The following PCDHGA6 variants were observed in gnomAD, a reference collection of about 807,000 sequenced individuals.
The protein encoded by PCDHGA6 is protocadherin gamma-A6.
In PCDHGA6, 41 loss-of-function variants were observed where a neutral mutation model predicts 60.6. The observed-to-expected ratio is 0.68, with a 90% confidence interval of 0.53 to 0.88. The LOEUF is 0.88. PCDHGA6 is among the 40% of genes least tolerant of loss of function. The pLI is 0.00. For synonymous variants in PCDHGA6, 594 were observed against 524.4 expected (o/e 1.13, Z -1.81); for missense variants, 1,312 against 1,203.0 (o/e 1.09, Z -1.34).
chr5:141,511,730 T>C lies in PCDHGA6; in HGVS notation c.*557T>C, dbSNP rs772107999. 5.1e-5 allele frequency: 9 copies of C among 177,790 alleles called. No homozygotes were observed. The highest frequency in any genetic ancestry group is 5.3e-5 in the Admixed American group (1 of 18,706). The allele number at this position is 177,790 out of a possible 1,614,324, so 11.0% of individuals were successfully genotyped here. On this transcript the variant is annotated 3_prime_UTR_variant, in exon 4 of 4. Transcript: ENST00000517434. ...ACCTCCTTCCAGAGCCCAAGATCAA[T>C]GCTCAAGTTTTGGAGGACATGATCA...
chr5:141,501,500 C>G (rs1385290676), intron 2 of PCDHGA6, among the ~76,000 whole-genome samples: 1 of 151,934 alleles, frequency 6.6e-6, no homozygotes, highest in Non-Finnish European at 1.5e-5. Context: ...GCTGCTGGGG[C>G]TCCAAGGCCT....
intron 1 of PCDHGA6, chr5:141,409,468 C>A: frequency 2.5e-6 from 4 of 1,613,948 alleles, no homozygotes; most frequent in Non-Finnish European, 3.4e-6. Context: ...ATGTCACCAT[C>A]GTAGCCACTG....
intron 1 of PCDHGA6, chr5:141,410,442 C>G (rs1444532577): frequency 6.2e-7 from 1 of 1,613,942 alleles, no homozygotes; most frequent in Admixed American, 1.7e-5. Context: ...AGTGAGGGGA[C>G]TTTGCCTTAT....
chr5:141,469,573 CTAAA>C (rs1209972534), intron 1 of PCDHGA6, among the ~76,000 whole-genome samples: 2 of 151,554 alleles, frequency 1.3e-5, no homozygotes, highest in Non-Finnish European at 2.9e-5. Flanking sequence ...GACTCTGTCT[CTAAA>C]TAAATAAATA....
At chr5:141,492,587 C>G (rs2154587748) in intron 1 of PCDHGA6, among the ~76,000 whole-genome samples, 1 of 152,314 alleles carries the variant, frequency 6.6e-6, no homozygotes, top group African/African-American at 2.4e-5. Flanking sequence ...GGGCCAGGAG[C>G]GCTGGAGCGA....
chr5:141,412,093 GCA>G (rs1252719565), intron 1 of PCDHGA6: 2 of 152,146 alleles, frequency 1.3e-5, no homozygotes, highest in Non-Finnish European at 2.9e-5. Flanking sequence ...GGGTTGATGG[GCA>G]CACACAGTTG....
chr5:141,427,046 C>G (rs916723344), intron 1 of PCDHGA6: 2 of 457,362 alleles, frequency 4.4e-6, no homozygotes, highest in Admixed American at 4.7e-5. Context: ...AGAATGTGCC[C>G]CCAGGCACCT....
Position 141,433,359 on chromosome 5 carries a change from CTAT to C in PCDHGA6, c.2424+56853_2424+56855del, listed in dbSNP as rs2097588942. 4 of 228,708 alleles carry C rather than the reference CTAT, an allele frequency of 1.7e-5. No homozygotes were observed. In the African/African-American group the frequency reaches 3.4e-4, roughly 19 times the overall value. The allele number at this position is 228,708 out of a possible 1,614,324, so 14.2% of individuals were successfully genotyped here. ...CAGGTGCAAGCCACCTACTGTCTGC[CTAT>C]CTATCTATCTATCTATCTATCTATC... On this transcript the variant is annotated intron_variant, in intron 1 of 3. Coordinates refer to ENST00000517434, the MANE Select transcript of PCDHGA6 (RefSeq NM_018919.3).
intron 1 of PCDHGA6, among the ~76,000 whole-genome samples, chr5:141,467,332 C>T (rs985838492): frequency 6.6e-6 from 1 of 152,124 alleles, no homozygotes; most frequent in Non-Finnish European, 1.5e-5. Context: ...GGATTAGAGA[C>T]GTAAGCCACT....
At chr5:141,405,027 A>G (rs1402992376) in intron 1 of PCDHGA6, 1 of 1,613,252 alleles carries the variant, frequency 6.2e-7, no homozygotes, top group Non-Finnish European at 8.5e-7. Context: ...CTTACCCTCT[A>G]CCTCGTTGTG....
intron 1 of PCDHGA6, among the ~76,000 whole-genome samples, chr5:141,483,164 T>C (rs1051456583): frequency 1.1e-4 from 17 of 152,148 alleles, no homozygotes; most frequent in Non-Finnish European, 2.5e-4. Context: ...AGATCCTGAG[T>C]TACCTTTGGG....
intron 1 of PCDHGA6, among the ~76,000 whole-genome samples, chr5:141,449,616 G>A (rs1279953840): frequency 1.6e-4 from 24 of 146,738 alleles, no homozygotes; most frequent in Non-Finnish European, 2.3e-4. Flanking sequence ...AAGTAAAAAA[G>A]TTTTTTAAAA....
At chr5:141,415,736 TAAGG>T (rs2095905512) in intron 1 of PCDHGA6, 1 of 1,289,864 alleles carries the variant, frequency 7.8e-7, no homozygotes, top group Admixed American at 3.4e-5. Flanking sequence ...TGATGTTTAT[TAAGG>T]TTTTTTTTTT....
chr5:141,387,829 G>T, intron 1 of PCDHGA6: 2 of 1,591,770 alleles, frequency 1.3e-6, no homozygotes, highest in South Asian at 2.3e-5. Flanking sequence ...CAATACAGAG[G>T]TTATTTGTAA....
chr5:141,422,156 T>C, intron 1 of PCDHGA6: 2 of 1,573,504 alleles, frequency 1.3e-6, no homozygotes, highest in Non-Finnish European at 8.6e-7. Flanking sequence ...TCTCTGGATT[T>C]TGAAAAATAT....
At chr5:141,468,409 A>G (rs183146641) in intron 1 of PCDHGA6, 1 of 152,230 alleles carries the variant, frequency 6.6e-6, no homozygotes, top group East Asian at 1.9e-4. Flanking sequence ...AACTAATAAT[A>G]AGTTAGATAG....
At chr5:141,404,795 G>C (rs769293241) in intron 1 of PCDHGA6, 4 of 1,614,042 alleles carry the variant, frequency 2.5e-6, no homozygotes, top group Admixed American at 1.7e-5. Flanking sequence ...CAGTGAGCCA[G>C]GGCTCTTCTC....
At position 141,388,975 on chromosome 5, in the gene PCDHGA6, T is replaced by C. The variant is rs1293529479; in HGVS notation, c.2424+12468T>C. The C allele has an allele frequency of 6.8e-6, 11 of 1,613,888 alleles. No homozygotes were observed. The highest frequency in any genetic ancestry group is 8.5e-6 in the Non-Finnish European group (10 of 1,179,894). On this transcript the variant is annotated intron_variant, in intron 1 of 3. Transcript: ENST00000517434. ...GAGGACGCCGAGCTGGGAACACATATTGCTTTGCTCAAAGTCCGTGACAAG... is the reference window on the plus strand; with the variant it reads ...GAGGACGCCGAGCTGGGAACACATACTGCTTTGCTCAAAGTCCGTGACAAG...
intron 1 of PCDHGA6, chr5:141,423,721 T>C (rs2096769391): frequency 8.3e-7 from 1 of 1,208,140 alleles, no homozygotes; most frequent in East Asian, 3.8e-5. Flanking sequence ...TTTAAGGAGA[T>C]GTTTTTTGAG....
Sources: allele counts gnomAD v4.1 joint callset (sites outside exome capture counted in the v4.1 genomes callset), GRCh38; gene constraint gnomAD v4.1.1; transcripts MANE v1.5; gene names NCBI Gene and HGNC (gene_info 2026-07-23, HGNC 2026-07-21).